The following TMEM131 variants were observed in gnomAD, a reference collection of about 807,000 sequenced individuals.
The protein encoded by TMEM131 is transmembrane protein 131.
Under a neutral mutation model 211.6 loss-of-function variants are expected in TMEM131, and 66 were observed. The observed-to-expected ratio is 0.31, with a 90% confidence interval of 0.26 to 0.38. The LOEUF (loss-of-function observed/expected upper bound fraction) is 0.38. TMEM131 is among the 10% of genes least tolerant of loss of function. The pLI is 1.00. For synonymous variants in TMEM131, 844 were observed against 841.3 expected, an observed-to-expected ratio of 1.00 and a Z score of -0.06; for missense variants, 2,036 against 2,299.3, an observed-to-expected ratio of 0.89 and a Z score of 2.34.
chr2:97,915,976 T>A (rs1403409143), intron 2 of TMEM131, among the ~76,000 whole-genome samples: 1 of 152,078 alleles, frequency 6.6e-6, no homozygotes, highest in African/African-American at 2.4e-5. Context: ...TGCAGTGGAG[T>A]GATCTCAACT....
chr2:97,994,388 T>G (rs1680397464), intron 1 of TMEM131, among the ~76,000 whole-genome samples: 1 of 152,234 alleles, frequency 6.6e-6, no homozygotes, highest in Non-Finnish European at 1.5e-5. Context: ...GAATGTAATG[T>G]GGACAAAAAT....
At chr2:97,785,918 T>C (rs888562653) in intron 31 of TMEM131, among the ~76,000 whole-genome samples, 13 of 152,216 alleles carry the variant, frequency 8.5e-5, no homozygotes, top group South Asian at 2.1e-4. Flanking sequence ...TGGGGAAAAG[T>C]TCTCCTTAGT....
intron 31 of TMEM131, among the ~76,000 whole-genome samples, chr2:97,779,754 C>T (rs1434349996): frequency 6.6e-6 from 1 of 152,198 alleles, no homozygotes; most frequent in African/African-American, 2.4e-5. Context: ...CAGCAGTGGC[C>T]TGTAATCCCC....
intron 1 of TMEM131, among the ~76,000 whole-genome samples, chr2:97,977,300 C>T (rs1679584936): frequency 6.6e-6 from 1 of 152,140 alleles, no homozygotes; most frequent in Non-Finnish European, 1.5e-5. Flanking sequence ...ATATAAAGAA[C>T]TCTCAAATCT....
At chr2:97,856,785 C>G (rs545237067) in intron 5 of TMEM131, among the ~76,000 whole-genome samples, 2 of 151,882 alleles carry the variant, frequency 1.3e-5, no homozygotes, top group Non-Finnish European at 2.9e-5. Flanking sequence ...CTCTACGTCT[C>G]GAGCTTAAGT....
At chr2:97,789,920 G>A (rs1353218757) in intron 31 of TMEM131, among the ~76,000 whole-genome samples, 1 of 152,226 alleles carries the variant, frequency 6.6e-6, no homozygotes, top group Non-Finnish European at 1.5e-5. Context: ...AGATGGCATA[G>A]CATGGCTGTG....
In TMEM131 at chr2:97,812,563, A is replaced by G. The variant is rs755679085; in HGVS notation, c.1729-8T>C. 30 of 1,596,278 alleles carry G rather than the reference A, an allele frequency of 1.9e-5. No homozygotes were observed. The highest frequency in any genetic ancestry group is 2.7e-5 in the African/African-American group (2 of 73,650). On this transcript the variant is annotated splice_region_variant and splice_polypyrimidine_tract_variant and intron_variant, in intron 16 of 40. Coordinates refer to ENST00000186436, the MANE Select transcript of TMEM131 (RefSeq NM_015348.2). ...CCAACTTTTTATAGCCAACTTTAAA[A>G]AAAGATATGAAAATGATTATCACAA...
intron 4 of TMEM131, among the ~76,000 whole-genome samples, chr2:97,871,266 C>T (rs193203991): frequency 6.6e-5 from 10 of 152,310 alleles, no homozygotes; most frequent in African/African-American, 1.7e-4. Context: ...ACATAGTTGA[C>T]GCCATCTTGC....
chr2:97,811,238 G>T lies in TMEM131; in HGVS notation c.1864-6C>A. 2.5e-6 allele frequency: 4 copies of T among 1,604,984 alleles called. No individual in the cohort carries two copies. The highest frequency in any genetic ancestry group is 1.7e-4 in the Middle Eastern group (1 of 6,032). On this transcript the variant is annotated splice_region_variant and splice_polypyrimidine_tract_variant and intron_variant, in intron 17 of 40. Coordinates refer to ENST00000186436, the MANE Select transcript of TMEM131 (RefSeq NM_015348.2). ...TAGCCTGAAGCTAATGTTACCTGTA[G>T]ATAGTAGAAATGGTATCATTCATTA...
chr2:97,943,065 GAA>G (rs1231063944), intron 1 of TMEM131, among the ~76,000 whole-genome samples: 14 of 92,070 alleles, frequency 1.5e-4, no homozygotes, highest in African/African-American at 5.5e-4. Context: ...AAGAAAGAAA[GAA>G]AGAAAGAAAG....
intron 11 of TMEM131, among the ~76,000 whole-genome samples, chr2:97,832,705 T>C (rs1238511152): frequency 6.6e-6 from 1 of 152,210 alleles, no homozygotes; most frequent in Non-Finnish European, 1.5e-5. Flanking sequence ...TGATTACACA[T>C]GTATATATCT....
At chr2:97,804,891 G>T (rs1269647030) in intron 22 of TMEM131, among the ~76,000 whole-genome samples, 197 bp downstream of exon 22, 1 of 152,122 alleles carries the variant, frequency 6.6e-6, no homozygotes, top group Non-Finnish European at 1.5e-5. Context: ...AGAGAAAAAT[G>T]ACAGTATGTA....
chr2:97,806,737 T>C (rs1194033452), intron 19 of TMEM131, among the ~76,000 whole-genome samples: 1 of 152,232 alleles, frequency 6.6e-6, no homozygotes, highest in Non-Finnish European at 1.5e-5. Context: ...TTTTTGTAGA[T>C]TCCTACTCAT....
intron 8 of TMEM131, 81 bp downstream of exon 8, chr2:97,836,996 T>G: frequency 9.2e-7 from 1 of 1,090,744 alleles, no homozygotes; most frequent in Non-Finnish European, 1.4e-6. Flanking sequence ...GTTAAGCCTA[T>G]TAAGGAGTTA....
intron 33 of TMEM131, among the ~76,000 whole-genome samples, chr2:97,768,715 T>A (rs974150948): frequency 6.6e-6 from 1 of 151,532 alleles, no homozygotes; most frequent in Non-Finnish European, 1.5e-5. Context: ...CTCAGCCTCC[T>A]GAGTAGCTGG....
At chr2:97,795,165 G>T in intron 28 of TMEM131, 50 bp from the exon 29 acceptor site, 1 of 1,419,892 alleles carries the variant, frequency 7.0e-7, no homozygotes, top group Non-Finnish European at 9.7e-7. Flanking sequence ...TATCTCACAA[G>T]CAGTCTGCAT....
chr2:97,837,635 T>C (rs1003728283), intron 7 of TMEM131, among the ~76,000 whole-genome samples: 3 of 152,210 alleles, frequency 2.0e-5, no homozygotes, highest in African/African-American at 4.8e-5. Flanking sequence ...AAAATAACTC[T>C]AATGGAACAT....
At chr2:97,919,622 G>A (rs985960041) in intron 2 of TMEM131, among the ~76,000 whole-genome samples, 1 of 152,122 alleles carries the variant, frequency 6.6e-6, no homozygotes, top group Non-Finnish European at 1.5e-5. Context: ...CCAGGCCGGA[G>A]TGCAATGGCA....
intron 1 of TMEM131, among the ~76,000 whole-genome samples, chr2:97,943,036 GA>G (rs373014311): frequency 0.023 from 720 of 31,340 alleles, 3 homozygotes; most frequent in East Asian, 0.053. Context: ...GAAAAGAAAA[GA>G]AAAGAAAGAA....
Sources: gnomAD v4.1 joint callset for allele counts (sites outside exome capture counted in the v4.1 genomes callset) on GRCh38, gnomAD v4.1.1 for gene constraint, MANE v1.5 for transcripts, NCBI Gene and HGNC (gene_info 2026-07-23, HGNC 2026-07-21) for gene names.